The following SLC14A2 variants were observed in gnomAD, a reference collection of about 807,000 sequenced individuals.
SLC14A2 encodes the protein solute carrier family 14 member 2.
A neutral mutation model predicts 104.6 loss-of-function variants in SLC14A2; 91 were observed. The ratio of observed to expected loss-of-function variants is 0.87; its 90% CI spans 0.73 to 1.04. The LOEUF is 1.04. Ranked by LOEUF, SLC14A2 falls within the 50% of genes least tolerant of loss-of-function variation. The pLI, the probability that SLC14A2 is intolerant of heterozygous loss-of-function variation, is 0.00. For synonymous variants in SLC14A2, 476 were observed against 466.4 expected, an observed-to-expected ratio of 1.02 and a Z score of -0.27; for missense variants, 1,189 against 1,156.0, an observed-to-expected ratio of 1.03 and a Z score of -0.41.
intron 5 of SLC14A2, among the ~76,000 whole-genome samples, chr18:45,635,153 G>C (rs1042440704): frequency 6.6e-6 from 1 of 152,180 alleles, no homozygotes; most frequent in African/African-American, 2.4e-5. Flanking sequence ...CAAGAATTCT[G>C]TTTGGACACA....
chr18:45,192,642 T>TTTTTTGTTTTGTTTTG, the SLC14A2 span, among the ~76,000 whole-genome samples: 21 of 144,928 alleles, frequency 1.4e-4, no homozygotes, highest in African/African-American at 2.1e-4. Context: ...GTGTGGTTTT[T>TTTTTTGTTTTGTTTTG]TTTTGTTTTG....
intron 2 of SLC14A2, among the ~76,000 whole-genome samples, chr18:45,575,406 G>A (rs912700314): frequency 2.0e-5 from 3 of 152,194 alleles, no homozygotes; most frequent in African/African-American, 7.2e-5. Flanking sequence ...GGAGAACTCA[G>A]TCTATGGGGA....
At chr18:45,423,225 C>G (rs1225154231) in intron 1 of SLC14A2, among the ~76,000 whole-genome samples, 1 of 152,228 alleles carries the variant, frequency 6.6e-6, no homozygotes, top group Non-Finnish European at 1.5e-5. Context: ...ACCCGAACTT[C>G]CCACAATCCC....
chr18:45,576,571 C>G (rs1048675530), intron 2 of SLC14A2, among the ~76,000 whole-genome samples: 6 of 152,104 alleles, frequency 3.9e-5, no homozygotes, highest in Non-Finnish European at 8.8e-5. Flanking sequence ...GAATGAGCCA[C>G]TGGAGCAGGG....
chr18:45,378,760 TTGC>T (rs971071142), intron 1 of SLC14A2, among the ~76,000 whole-genome samples: 2 of 151,638 alleles, frequency 1.3e-5, no homozygotes, highest in African/African-American at 4.9e-5. Flanking sequence ...TTTCTGATCA[TTGC>T]TGTTGTTGTT....
chr18:45,502,294 A>G (rs1307252245), intron 2 of SLC14A2, among the ~76,000 whole-genome samples: 2 of 152,234 alleles, frequency 1.3e-5, no homozygotes, highest in Non-Finnish European at 2.9e-5. Flanking sequence ...ATTGTTTCAC[A>G]TATCATCTTG....
intron 2 of SLC14A2, among the ~76,000 whole-genome samples, chr18:45,494,915 T>TATACAC (rs2043066358): frequency 1.3e-5 from 2 of 148,638 alleles, no homozygotes; most frequent in African/African-American, 2.5e-5. Context: ...CACACACACA[T>TATACAC]ACACACACAC....
At chr18:45,539,574 C>T (rs2144853653) in intron 2 of SLC14A2, among the ~76,000 whole-genome samples, 1 of 152,278 alleles carries the variant, frequency 6.6e-6, no homozygotes, top group East Asian at 1.9e-4. Context: ...CCAGGCAACC[C>T]CATGGAGCCC....
chr18:45,336,810 C>T (rs1440484349), intron 1 of SLC14A2, among the ~76,000 whole-genome samples: 1 of 152,148 alleles, frequency 6.6e-6, no homozygotes, highest in Non-Finnish European at 1.5e-5. Flanking sequence ...CATCAACTGG[C>T]CTCTGTCTTT....
chr18:45,277,034 T>G (rs1038096399), intron 1 of SLC14A2, among the ~76,000 whole-genome samples: 1 of 152,234 alleles, frequency 6.6e-6, no homozygotes, highest in African/African-American at 2.4e-5. Context: ...ATAATACGAA[T>G]GTACCATTTT....
At chr18:45,511,547 A>G (rs559743250) in intron 2 of SLC14A2, among the ~76,000 whole-genome samples, 1 of 152,112 alleles carries the variant, frequency 6.6e-6, no homozygotes, top group African/African-American at 2.4e-5. Flanking sequence ...ACCTTATCAC[A>G]GTGGTTGATA....
chr18:45,380,517 T>C (rs1191188030), intron 1 of SLC14A2, among the ~76,000 whole-genome samples: 6 of 152,298 alleles, frequency 3.9e-5, no homozygotes, highest in South Asian at 4.1e-4. Flanking sequence ...TGATTGGCAA[T>C]CTCAATAAAT....
chr18:45,614,317 A>G (rs1332441184), upstream of SLC14A2, among the ~76,000 whole-genome samples: 1 of 152,248 alleles, frequency 6.6e-6, no homozygotes, highest in African/African-American at 2.4e-5. Flanking sequence ...CTGCAGGGGT[A>G]GAGACCTCAT....
chr18:45,366,619 C>G (rs1057010190), intron 1 of SLC14A2, among the ~76,000 whole-genome samples: 1 of 152,218 alleles, frequency 6.6e-6, no homozygotes, highest in African/African-American at 2.4e-5. Context: ...TAGCTGCTTT[C>G]AGACTACCCA....
At chr18:45,444,898 T>C (rs1174835784) in intron 1 of SLC14A2, among the ~76,000 whole-genome samples, 1 of 152,176 alleles carries the variant, frequency 6.6e-6, no homozygotes, top group Non-Finnish European at 1.5e-5. Context: ...TAATAGCCCA[T>C]TGGTTCAATT....
At chr18:45,338,682 CAAAA>C (rs59474827) in intron 1 of SLC14A2, among the ~76,000 whole-genome samples, 1,567 of 51,422 alleles carry the variant, frequency 0.03, 12 homozygotes, top group African/African-American at 0.11. Context: ...CACTGGCTCA[CAAAA>C]AAAAAAAAAA....
chr18:45,444,983 T>C (rs976269821), intron 1 of SLC14A2, among the ~76,000 whole-genome samples: 3 of 152,166 alleles, frequency 2.0e-5, no homozygotes, highest in Non-Finnish European at 4.4e-5. Flanking sequence ...TTCGAAAATA[T>C]TTGTTAAATG....
intron 1 of SLC14A2, among the ~76,000 whole-genome samples, chr18:45,420,745 A>ATT (rs751563502): frequency 1.4e-4 from 20 of 145,646 alleles, no homozygotes; most frequent in Admixed American, 6.2e-4. Context: ...TATTATTATT[A>ATT]TTATTTTTTT....
intron 2 of SLC14A2, among the ~76,000 whole-genome samples, chr18:45,580,135 G>T (rs1009523488): frequency 3.9e-5 from 6 of 152,218 alleles, no homozygotes; most frequent in Admixed American, 2.0e-4. Context: ...TTAGGAAGAA[G>T]TCTGTGGACA....
Sources: allele counts gnomAD v4.1 joint callset (sites outside exome capture counted in the v4.1 genomes callset), GRCh38; gene constraint gnomAD v4.1.1; transcripts MANE v1.5; gene names NCBI Gene and HGNC (gene_info 2026-07-23, HGNC 2026-07-21).